Variants in CNTNAP2 observed in about 807,000 individuals in gnomAD.
The protein encoded by CNTNAP2 is contactin associated protein 2.
Under a neutral mutation model 155.2 loss-of-function variants are expected in CNTNAP2, and 98 were observed. The ratio of observed to expected loss-of-function variants is 0.63; its 90% CI spans 0.54 to 0.75. The LOEUF (loss-of-function observed/expected upper bound fraction) is 0.75. Ranked by LOEUF, CNTNAP2 falls within the 30% of genes least tolerant of loss-of-function variation. The pLI is 0.00. For missense variants in CNTNAP2, 1,727 were observed against 1,688.1 expected (o/e 1.02, Z -0.40); for synonymous variants, 651 against 631.2 (o/e 1.03, Z -0.47).
chr7:147,147,646 G>T (rs770416837), intron 8 of CNTNAP2, among the ~76,000 whole-genome samples: 38 of 152,058 alleles, frequency 2.5e-4, no homozygotes, highest in Non-Finnish European at 5.1e-4. Context: ...CAGCTTAGAA[G>T]TTCCTCCTCC....
intron 4 of CNTNAP2, among the ~76,000 whole-genome samples, chr7:147,106,497 C>G (rs1387008636): frequency 6.6e-6 from 1 of 151,920 alleles, no homozygotes; most frequent in Non-Finnish European, 1.5e-5. Context: ...TCTCAGAGAA[C>G]AGAATTCTGT....
intron 3 of CNTNAP2, among the ~76,000 whole-genome samples, chr7:146,849,512 C>T (rs545613175): frequency 1.3e-5 from 2 of 152,168 alleles, no homozygotes; most frequent in Non-Finnish European, 2.9e-5. Flanking sequence ...ATAGCATGGG[C>T]TCTGGACCGG....
At chr7:147,225,969 AAG>A (rs755570634) in intron 8 of CNTNAP2, among the ~76,000 whole-genome samples, 13 of 151,788 alleles carry the variant, frequency 8.6e-5, no homozygotes, top group Non-Finnish European at 1.5e-4. Flanking sequence ...GAAAGGAAGA[AAG>A]AGAGAAAGAA....
At chr7:146,138,094 G>C (rs534945615) in intron 1 of CNTNAP2, among the ~76,000 whole-genome samples, 1 of 151,970 alleles carries the variant, frequency 6.6e-6, no homozygotes, top group African/African-American at 2.4e-5. Context: ...TATAAGAAAA[G>C]CATCCTAAGA....
chr7:147,086,739 C>G lies in CNTNAP2; in HGVS notation c.551-21408C>G, dbSNP rs7804081. ...AGCATGACCACCTAGTCTGGCCATACAGAAGATACATAATCTTAGACCCCC... is the reference window on the plus strand; with the variant it reads ...AGCATGACCACCTAGTCTGGCCATAGAGAAGATACATAATCTTAGACCCCC... On this transcript the variant is annotated intron_variant, in intron 4 of 23. Coordinates refer to ENST00000361727, the MANE Select transcript of CNTNAP2 (RefSeq NM_014141.6). Among the ~76,000 whole-genome samples the G allele has an allele frequency of 6.4e-3, 982 of 152,250 alleles. 10 individuals carry two copies. Among genetic ancestry groups the G allele is most frequent in the African/African-American group, 0.022 (918 of 41,548 alleles).
chr7:146,571,734 CTT>C (rs376437154), intron 1 of CNTNAP2, among the ~76,000 whole-genome samples: 104,052 of 137,520 alleles, frequency 0.76, 39,161 homozygotes, highest in South Asian at 0.83. Flanking sequence ...TCTTTTCTTT[CTT>C]TTTTTTTTTT....
At chr7:148,192,207 A>G (rs1006617757) in intron 18 of CNTNAP2, among the ~76,000 whole-genome samples, 1 of 152,196 alleles carries the variant, frequency 6.6e-6, no homozygotes, top group Non-Finnish European at 1.5e-5. Flanking sequence ...CAGAGCTTCT[A>G]AGGTCTCCAT....
intron 16 of CNTNAP2, among the ~76,000 whole-genome samples, chr7:148,123,638 A>G (rs1804647544): frequency 3.6e-5 from 1 of 27,986 alleles, no homozygotes; most frequent in African/African-American, 1.2e-4. Flanking sequence ...GAGAGCAGGA[A>G]GGAAGGAAGG....
chr7:147,297,791 G>T (rs1471215586), intron 8 of CNTNAP2, among the ~76,000 whole-genome samples: 1 of 112,404 alleles, frequency 8.9e-6, no homozygotes, highest in Non-Finnish European at 1.7e-5. Flanking sequence ...GGAACAATTG[G>T]GGGGTAATGA....
chr7:146,722,812 C>T (rs1210509652), intron 1 of CNTNAP2, among the ~76,000 whole-genome samples: 3 of 151,918 alleles, frequency 2.0e-5, no homozygotes, highest in African/African-American at 2.4e-5. Context: ...GTCAGGAGTT[C>T]GAGACCAGCT....
At position 148,217,540 on chromosome 7, in the gene CNTNAP2, C is replaced by A. The variant is rs370512570; in HGVS notation, c.3247+16C>A. On this transcript the variant is annotated intron_variant, in intron 19 of 23. Coordinates refer to ENST00000361727, the MANE Select transcript of CNTNAP2 (RefSeq NM_014141.6). ...AAACCCACTGGTAAGGACAAGGATACCCAGCCTCTGCCATTTAACATTTGG... is the reference window on the plus strand; with the variant it reads ...AAACCCACTGGTAAGGACAAGGATAACCAGCCTCTGCCATTTAACATTTGG... 1.9e-6 allele frequency: 3 copies of A among 1,608,250 alleles called. No individual in the cohort carries two copies. The African/African-American group carries it at 4.0e-5, about 22-fold the overall frequency.
chr7:147,644,547 G>A (rs78217839), intron 13 of CNTNAP2, among the ~76,000 whole-genome samples: 7 of 152,188 alleles, frequency 4.6e-5, no homozygotes, highest in Middle Eastern at 6.8e-3. Context: ...ACTTGAACTC[G>A]GGAGGCAGAG....
intron 15 of CNTNAP2, among the ~76,000 whole-genome samples, chr7:148,066,267 T>A (rs1803259558): frequency 6.6e-6 from 1 of 152,172 alleles, no homozygotes; most frequent in Non-Finnish European, 1.5e-5. Flanking sequence ...TGCTAGGTGA[T>A]GATCTTTTTG....
chr7:147,710,347 C>T (rs998626428), intron 13 of CNTNAP2, among the ~76,000 whole-genome samples: 1 of 152,160 alleles, frequency 6.6e-6, no homozygotes, highest in Admixed American at 6.6e-5. Flanking sequence ...CTCTGTTTCC[C>T]ACCATCACCA....
chr7:146,912,794 G>A (rs1324695777), intron 3 of CNTNAP2, among the ~76,000 whole-genome samples: 2 of 152,124 alleles, frequency 1.3e-5, no homozygotes, highest in East Asian at 3.9e-4. Flanking sequence ...ACATTGTTGA[G>A]TATCTGCCCT....
intron 1 of CNTNAP2, among the ~76,000 whole-genome samples, chr7:146,249,866 G>A (rs1468370165): frequency 6.6e-6 from 1 of 151,848 alleles, no homozygotes; most frequent in Non-Finnish European, 1.5e-5. Context: ...TTTATTAAAA[G>A]GAATGAGAGA....
rs397827040 is a variant in CNTNAP2, at chr7:147,594,125, C to CTTTTT, written c.1897+31883_1897+31887dup. On this transcript the variant is annotated intron_variant, in intron 12 of 23. Transcript: ENST00000361727. Reference sequence around the variant, plus strand: ...GAGGATTTGCCACCCTCTGGTGTCTCTTTTTTTTTTTTTTTTTTTGAGATG... The same window carrying CTTTTT: ...GAGGATTTGCCACCCTCTGGTGTCTCTTTTTTTTTTTTTTTTTTTTTTTTGAGATG... 1.0e-4 allele frequency among the ~76,000 whole-genome samples: 12 copies of CTTTTT among 120,036 alleles called. 1 individual carries two copies. Among genetic ancestry groups the CTTTTT allele is most frequent in the Middle Eastern group, 4.9e-3 (1 of 204 alleles). The allele number at this position is 120,036 out of a possible 152,430, so 78.7% of individuals were successfully genotyped here.
chr7:146,945,083 T>C (rs776337175), intron 3 of CNTNAP2, among the ~76,000 whole-genome samples: 1 of 152,198 alleles, frequency 6.6e-6, no homozygotes, highest in Non-Finnish European at 1.5e-5. Context: ...TTCTGTATAG[T>C]CTCACTGACA....
At chr7:148,105,199 G>C (rs1170766030) in intron 15 of CNTNAP2, among the ~76,000 whole-genome samples, 1 of 152,198 alleles carries the variant, frequency 6.6e-6, no homozygotes, top group Admixed American at 6.5e-5. Flanking sequence ...CCAGTCCGGG[G>C]ATACGTCAGA....
Sources: allele counts gnomAD v4.1 joint callset (sites outside exome capture counted in the v4.1 genomes callset), GRCh38; gene constraint gnomAD v4.1.1; transcripts MANE v1.5; gene names NCBI Gene and HGNC (gene_info 2026-07-23, HGNC 2026-07-21).